PRMT8: variants seen among roughly 807,000 people sequenced by gnomAD.
The protein encoded by PRMT8 is protein arginine methyltransferase 8.
Under a neutral mutation model 47.1 loss-of-function variants are expected in PRMT8, and 7 were observed. The ratio of observed to expected loss-of-function variants is 0.15; its 90% CI spans 0.08 to 0.28. PRMT8 has a LOEUF of 0.28. Among genes scored for constraint, PRMT8 ranks in the 10% least tolerant of loss-of-function variants. PRMT8 has a pLI of 1.00. For missense variants in PRMT8, 237 were observed against 505.4 expected (o/e 0.47, Z 5.09); for synonymous variants, 188 against 186.5 (o/e 1.01, Z -0.07).
At chr12:3,563,928 G>GCCC (rs67295103) in intron 4 of PRMT8, among the ~76,000 whole-genome samples, 56 of 151,656 alleles carry the variant, frequency 3.7e-4, no homozygotes, top group African/African-American at 1.2e-3. Flanking sequence ...TTAACCCAAT[G>GCCC]CCCCCCACCT....
intron 1 of PRMT8, among the ~76,000 whole-genome samples, chr12:3,470,438 G>A (rs1376505543): frequency 6.6e-6 from 1 of 152,164 alleles, no homozygotes; most frequent in Non-Finnish European, 1.5e-5. Flanking sequence ...GGGATGTGGT[G>A]AGGGCTCTGT....
rs74057479 is a variant in PRMT8 at position 3,514,429 on chromosome 12, G to A, written c.75+22729G>A. The stretch of plus-strand genomic sequence containing the variant: ...GGGCTGCAAGACGTGGTTTAGAGAG[G>A]GGTTGCTCACCCAGGCCTGCAGAGC... On this transcript the variant is annotated intron_variant, in intron 1 of 9. Coordinates refer to ENST00000382622, the MANE Select transcript of PRMT8 (RefSeq NM_019854.5). This position sits in a 1 kb window ranked among gnomAD's most constrained non-coding sequence, Gnocchi z 5.9. Among the ~76,000 whole-genome samples the A allele has an allele frequency of 0.013, 1,984 of 152,180 alleles. 42 individuals are homozygous for A. The highest frequency in any genetic ancestry group is 0.044 in the African/African-American group (1,816 of 41,498).
intron 1 of PRMT8, among the ~76,000 whole-genome samples, chr12:3,437,923 CTT>C (rs1864762019): frequency 6.6e-6 from 1 of 152,138 alleles, no homozygotes; most frequent in African/African-American, 2.4e-5. Context: ...CGAGCAGTAA[CTT>C]GGGGTTTGGG....
intron 1 of PRMT8, among the ~76,000 whole-genome samples, chr12:3,531,648 T>C (rs10848874): frequency 0.043 from 6,590 of 152,030 alleles, 172 homozygotes; most frequent in Middle Eastern, 0.11. Context: ...AGGAGGCGCC[T>C]GTGCACAGCA....
Position 3,569,583 on chromosome 12 carries a change from C to G in PRMT8, c.712+19C>G. 6.2e-7 allele frequency: 1 copy of G among 1,601,312 alleles called. No individual in the cohort carries two copies. On this transcript the variant is annotated intron_variant, in intron 6 of 9. Transcript: ENST00000382622. This position sits in a 1 kb window ranked among gnomAD's most constrained non-coding sequence, Gnocchi z 8.2. ...ATCCACTGTAAGTCCCCTCTTGCTT[C>G]TCCGGTGGACTTCCACTGCACAATT...
At chr12:3,440,130 T>C (rs979651624) in intron 1 of PRMT8, among the ~76,000 whole-genome samples, 2 of 152,200 alleles carry the variant, frequency 1.3e-5, no homozygotes, top group Admixed American at 6.5e-5. Flanking sequence ...AATGAAGATA[T>C]TAGACCTTGA....
chr12:3,440,048 A>G (rs1864782875), intron 1 of PRMT8, among the ~76,000 whole-genome samples: 2 of 152,240 alleles, frequency 1.3e-5, no homozygotes, highest in South Asian at 4.1e-4. Flanking sequence ...TCTGTGCGTC[A>G]TCTTTCTGCA....
intron 1 of PRMT8, among the ~76,000 whole-genome samples, chr12:3,471,953 G>T (rs993998545): frequency 3.3e-5 from 5 of 152,082 alleles, no homozygotes; most frequent in Admixed American, 3.3e-4. Flanking sequence ...TGAGGGAAGA[G>T]CGGGTCTCCC....
At chr12:3,578,588 T>G (rs1427074150) in intron 7 of PRMT8, among the ~76,000 whole-genome samples, 1 of 152,210 alleles carries the variant, frequency 6.6e-6, no homozygotes, top group Admixed American at 6.5e-5. Flanking sequence ...GCCGGCCTAC[T>G]GTGCTCCTGC....
intron 1 of PRMT8, among the ~76,000 whole-genome samples, chr12:3,523,596 G>C (rs372284322): frequency 1.1e-4 from 17 of 152,260 alleles, no homozygotes; most frequent in African/African-American, 4.1e-4. Context: ...GTAAATGCCT[G>C]GGTTAAATGG....
intron 6 of PRMT8, among the ~76,000 whole-genome samples, chr12:3,571,752 C>A (rs898124834): frequency 3.3e-5 from 5 of 152,100 alleles, no homozygotes; most frequent in African/African-American, 1.2e-4. Context: ...ATTTAAAATA[C>A]ATTTTCTATT....
chr12:3,393,404 A>C (rs1478299568), intron 1 of PRMT8, among the ~76,000 whole-genome samples: 1 of 151,044 alleles, frequency 6.6e-6, no homozygotes, highest in Non-Finnish European at 1.5e-5. Flanking sequence ...GGTGTAAGGA[A>C]GGGATCCAGT....
chr12:3,487,025 T>C (rs1012345248), upstream of PRMT8, among the ~76,000 whole-genome samples: 5 of 152,204 alleles, frequency 3.3e-5, no homozygotes, highest in African/African-American at 1.2e-4. Context: ...CAGAGGCTTT[T>C]GTGTAGGAGA....
At chr12:3,517,019 C>T (rs1324845269) in intron 1 of PRMT8, among the ~76,000 whole-genome samples, 1 of 152,078 alleles carries the variant, frequency 6.6e-6, no homozygotes, top group East Asian at 1.9e-4. Context: ...AAAACAACAA[C>T]AGCAACAACA....
At chr12:3,560,457 C>T (rs540044234) in intron 4 of PRMT8, among the ~76,000 whole-genome samples, 1 of 152,176 alleles carries the variant, frequency 6.6e-6, no homozygotes, top group Non-Finnish European at 1.5e-5. Flanking sequence ...GTGGCCCACA[C>T]GCGCGCTTCA....
chr12:3,531,573 T>C (rs1866031113), intron 1 of PRMT8, among the ~76,000 whole-genome samples: 1 of 152,026 alleles, frequency 6.6e-6, no homozygotes, highest in African/African-American at 2.4e-5. Flanking sequence ...GCTGTGTGGG[T>C]GCAATGCCAT....
rs12310164 is a variant in PRMT8, at chr12:3,515,640, C to A, written c.75+23940C>A. ...GATTGTGGACATGCTGGCTTGACAG[C>A]CACCACACTGCACAGAACCCACCCA... On this transcript the variant is annotated intron_variant, in intron 1 of 9. Coordinates refer to ENST00000382622, the MANE Select transcript of PRMT8 (RefSeq NM_019854.5). Among the ~76,000 whole-genome samples, 974 of 152,356 alleles carry A rather than the reference C, an allele frequency of 6.4e-3. 11 individuals are homozygous for A. The highest frequency in any genetic ancestry group is 0.022 in the African/African-American group (924 of 41,578).
chr12:3,386,990 G>A (rs1310201551), intron 1 of PRMT8, among the ~76,000 whole-genome samples: 1 of 151,756 alleles, frequency 6.6e-6, no homozygotes, highest in African/African-American at 2.4e-5. Context: ...TTACAGGCAT[G>A]AGCCACCACG....
Position 3,491,521 on chromosome 12 carries a change from T to G in PRMT8, c.-105T>G. The G allele has an allele frequency of 6.3e-5, 92 of 1,459,772 alleles. No individual in the cohort carries two copies. Among genetic ancestry groups the G allele is most frequent in the Admixed American group, 2.6e-5 (1 of 39,072 alleles). The allele number at this position is 1,459,772 out of a possible 1,614,324, so 90.4% of individuals were successfully genotyped here. ...CCGACGCTCCAGCTGAGGGGCTGGG[T>G]TGGATTTTTTTTTTTCTCCCATCCT... On this transcript the variant is annotated 5_prime_UTR_variant, in exon 1 of 10. Coordinates refer to ENST00000382622, the MANE Select transcript of PRMT8 (RefSeq NM_019854.5).
Sources: allele counts gnomAD v4.1 joint callset (sites outside exome capture counted in the v4.1 genomes callset), GRCh38; gene constraint gnomAD v4.1.1; non-coding constraint Gnocchi (gnomAD v3.1); transcripts MANE v1.5; gene names NCBI Gene and HGNC (gene_info 2026-07-23, HGNC 2026-07-21).